The following CSMD1 variants were observed in gnomAD, a reference collection of about 807,000 sequenced individuals.
The protein encoded by CSMD1 is CUB and Sushi multiple domains 1, also known as CUB and sushi domain-containing protein 1.
CSMD1 carries 213 observed loss-of-function variants against 417.5 expected under a neutral mutation model. The ratio of observed to expected loss-of-function variants is 0.51; its 90% CI spans 0.46 to 0.57. The LOEUF (loss-of-function observed/expected upper bound fraction) is 0.57. Among genes scored for constraint, CSMD1 ranks in the 20% least tolerant of loss-of-function variants. The pLI is 0.00. For synonymous variants in CSMD1, 2,862 were observed against 1,736.8 expected (o/e 1.65, Z -16.11); for missense variants, 6,923 against 4,529.7 (o/e 1.53, Z -15.17).
chr8:3,986,946 C>T (rs1294464615), intron 5 of CSMD1, among the ~76,000 whole-genome samples: 6 of 151,908 alleles, frequency 3.9e-5, no homozygotes, highest in South Asian at 2.1e-4. Context: ...GTATACAGGG[C>T]GTTTCACCAT....
At chr8:4,782,413 A>G (rs1378259310) in intron 1 of CSMD1, among the ~76,000 whole-genome samples, 2 of 152,196 alleles carry the variant, frequency 1.3e-5, no homozygotes, top group Admixed American at 1.3e-4. Context: ...ATAAAACTTT[A>G]TAAAAGACAC....
chr8:4,096,989 C>G (rs949270991), intron 3 of CSMD1, among the ~76,000 whole-genome samples: 1 of 152,122 alleles, frequency 6.6e-6, no homozygotes, highest in Non-Finnish European at 1.5e-5. Context: ...AAGGGATGGG[C>G]AGAGATAAAA....
intron 3 of CSMD1, among the ~76,000 whole-genome samples, chr8:4,350,575 C>G (rs1432471483): frequency 6.6e-6 from 1 of 152,108 alleles, no homozygotes; most frequent in African/African-American, 2.4e-5. Context: ...ATTCAATTAA[C>G]ACTTCCACGC....
intron 20 of CSMD1, among the ~76,000 whole-genome samples, chr8:3,364,525 G>T (rs1809423214): frequency 6.6e-6 from 1 of 152,200 alleles, no homozygotes; most frequent in South Asian, 2.1e-4. Flanking sequence ...CAGCTGTGTA[G>T]TTACATTCTG....
intron 1 of CSMD1, among the ~76,000 whole-genome samples, chr8:4,740,655 G>C (rs777552234): frequency 6.6e-6 from 1 of 152,150 alleles, no homozygotes; most frequent in African/African-American, 2.4e-5. Context: ...CAGCTCTCTG[G>C]CTTTTCACTA....
At chr8:4,660,134 C>T (rs1048709767) in intron 1 of CSMD1, among the ~76,000 whole-genome samples, 4 of 134,304 alleles carry the variant, frequency 3.0e-5, no homozygotes, top group Admixed American at 2.2e-4. Flanking sequence ...AAAAAAGGAA[C>T]GAAATAAAAT....
chr8:4,372,000 A>T (rs1370731), intron 3 of CSMD1, among the ~76,000 whole-genome samples: 107,901 of 152,114 alleles, frequency 0.71, 39,054 homozygotes, highest in African/African-American at 0.87. Flanking sequence ...TGAAGACATA[A>T]GAGTTCAAAG....
At chr8:4,934,009 A>ATTT (rs1248482034) in intron 1 of CSMD1, among the ~76,000 whole-genome samples, 200 of 150,582 alleles carry the variant, frequency 1.3e-3, no homozygotes, top group Middle Eastern at 3.5e-3. Context: ...TTTTTTTTTA[A>ATTT]AAAAAAATGA....
chr8:4,684,496 G>C (rs1806243884), intron 1 of CSMD1, among the ~76,000 whole-genome samples: 1 of 152,154 alleles, frequency 6.6e-6, no homozygotes, highest in Non-Finnish European at 1.5e-5. Flanking sequence ...CGGCTGGAGA[G>C]AGATTTACTT....
At chr8:3,943,148 C>T (rs944813654) in intron 5 of CSMD1, among the ~76,000 whole-genome samples, 2 of 152,160 alleles carry the variant, frequency 1.3e-5, no homozygotes, top group Non-Finnish European at 2.9e-5. Flanking sequence ...GCATTGTTAT[C>T]TTATGATAAA....
chr8:4,567,165 A>G (rs1193786515), intron 2 of CSMD1, among the ~76,000 whole-genome samples: 3 of 152,212 alleles, frequency 2.0e-5, no homozygotes, highest in Non-Finnish European at 4.4e-5. Context: ...AATGTTTACA[A>G]CATTACTTTT....
At chr8:3,256,143 C>T (rs1198172213) in intron 26 of CSMD1, among the ~76,000 whole-genome samples, 5 of 151,910 alleles carry the variant, frequency 3.3e-5, no homozygotes, top group Non-Finnish European at 1.5e-5. Context: ...GCCTGGCCAA[C>T]ATGGTGAAAC....
At chr8:3,667,126 G>C (rs1798734898) in intron 7 of CSMD1, among the ~76,000 whole-genome samples, 2 of 152,142 alleles carry the variant, frequency 1.3e-5, no homozygotes, top group East Asian at 1.9e-4. Context: ...GGATACACCA[G>C]TTTGGGAGTG....
At position 4,821,875 on chromosome 8, in the gene CSMD1, G is replaced by A. The variant is rs553804961; in HGVS notation, c.85+172457C>T. Among the ~76,000 whole-genome samples, 307 of 152,214 alleles carry A rather than the reference G, an allele frequency of 2.0e-3. 1 individual carries two copies. Among genetic ancestry groups the A allele is most frequent in the Non-Finnish European group, 3.0e-3 (206 of 68,010 alleles). On this transcript the variant is annotated intron_variant, in intron 1 of 69. Transcript: ENST00000635120. ...GTCCCCACTGCCTCCACACGCTTCT[G>A]CTCTAGCCCAGCTGTAAAATGTGTG... is the stretch of plus-strand genomic sequence containing the variant.
chr8:4,440,939 G>A (rs888745579), intron 2 of CSMD1, among the ~76,000 whole-genome samples: 2 of 151,174 alleles, frequency 1.3e-5, no homozygotes, highest in African/African-American at 2.4e-5. Context: ...GGAGGTTGCA[G>A]CGAGCCGAGA....
chr8:3,940,651 G>C (rs1810817810), intron 5 of CSMD1, among the ~76,000 whole-genome samples: 1 of 151,374 alleles, frequency 6.6e-6, no homozygotes, highest in Non-Finnish European at 1.5e-5. Flanking sequence ...TTTCTTGTTT[G>C]GGTTTCCTAG....
intron 10 of CSMD1, among the ~76,000 whole-genome samples, chr8:3,502,676 G>C (rs562847734): frequency 6.6e-6 from 1 of 152,304 alleles, no homozygotes; most frequent in Non-Finnish European, 1.5e-5. Flanking sequence ...TATGGAGACA[G>C]TAAAAAGATT....
At chr8:4,815,088 C>G (rs1799130617) in intron 1 of CSMD1, among the ~76,000 whole-genome samples, 2 of 151,934 alleles carry the variant, frequency 1.3e-5, no homozygotes, top group Admixed American at 6.6e-5. Flanking sequence ...GCTGGGTGAC[C>G]TAAATTTGAA....
Position 4,157,892 on chromosome 8 carries a change from C to A in CSMD1, c.416-125793G>T, listed in dbSNP as rs116077594. ...TGGTCCTATCCTCCCCACAGGACAA[C>A]AGGATGCTGAACTTGGGCTTGTCCC... On this transcript the variant is annotated intron_variant, in intron 3 of 69. Transcript: ENST00000635120. Among the ~76,000 whole-genome samples, 962 of 152,264 alleles carry A rather than the reference C, an allele frequency of 6.3e-3. 8 individuals are homozygous for A. Among genetic ancestry groups the A allele is most frequent in the African/African-American group, 0.022 (928 of 41,530 alleles).
Sources: allele counts gnomAD v4.1 joint callset (sites outside exome capture counted in the v4.1 genomes callset), GRCh38; gene constraint gnomAD v4.1.1; transcripts MANE v1.5; gene names NCBI Gene and HGNC (gene_info 2026-07-23, HGNC 2026-07-21).